TSTD2: variants seen among roughly 807,000 people sequenced by gnomAD.
The protein encoded by TSTD2 is thiosulfate sulfurtransferase like domain containing 2, also known as thiosulfate sulfurtransferase/rhodanese-like domain-containing protein 2.
Under a neutral mutation model 47.9 loss-of-function variants are expected in TSTD2, and 37 were observed. The observed-to-expected ratio is 0.77, with a 90% CI of 0.59 to 1.02. The LOEUF (loss-of-function observed/expected upper bound fraction) is 1.02. TSTD2 is among the 50% of genes least tolerant of loss of function. TSTD2 has a pLI of 0.00. For missense variants in TSTD2, 586 were observed against 616.0 expected (o/e 0.95, Z 0.52); for synonymous variants, 201 against 215.9 (o/e 0.93, Z 0.61).
chr9:97,626,410 T>C lies in TSTD2; in HGVS notation c.166-413A>G, dbSNP rs555709028. On this transcript the variant is annotated intron_variant, in intron 2 of 9. Coordinates refer to ENST00000341170, the MANE Select transcript of TSTD2 (RefSeq NM_139246.5). The stretch of plus-strand genomic sequence containing the variant: ...AGTTTTAAGTTATATGGAAAAATAT[T>C]TTATGATATAATATTAAGTGAAAAA... 3.8e-4 allele frequency among the ~76,000 whole-genome samples: 58 copies of C among 152,308 alleles called. 2 individuals carry two copies. Among genetic ancestry groups the C allele is most frequent in the Admixed American group, 3.4e-3 (52 of 15,300 alleles).
intron 3 of TSTD2, among the ~76,000 whole-genome samples, chr9:97,623,575 A>G (rs147353990): frequency 6.6e-6 from 1 of 152,276 alleles, no homozygotes; most frequent in East Asian, 1.9e-4. Flanking sequence ...AACCTTGCAA[A>G]CAGGCTGGAT....
At position 97,605,780 on chromosome 9, in the gene TSTD2, C is replaced by T. The variant is rs1026283024; in HGVS notation, c.955-139G>A. 11 of 1,152,396 alleles carry T rather than the reference C, an allele frequency of 9.5e-6. No homozygotes were observed. The Admixed American group carries it at 2.3e-4, about 24-fold the overall frequency. 71.4% of individuals were successfully genotyped at this position (1,152,396 alleles called of 1,614,324 possible). A position where few individuals can be genotyped will look rare whatever the true frequency, so the allele number is the denominator to read the frequency against. On this transcript the variant is annotated intron_variant, in intron 7 of 9. Coordinates refer to ENST00000341170, the MANE Select transcript of TSTD2 (RefSeq NM_139246.5). ...TAATCTCATCCCCACTCTGACCTTT[C>T]AACTTCAAGATCTCAACTTAAAACC... is the stretch of plus-strand genomic sequence containing the variant.
chr9:97,627,881 GA>G (rs1826748076), intron 1 of TSTD2, among the ~76,000 whole-genome samples: 1 of 152,176 alleles, frequency 6.6e-6, no homozygotes, highest in Non-Finnish European at 1.5e-5. Context: ...TGGATAAATT[GA>G]TTTTTTATTT....
chr9:97,614,946 A>C (rs1293414202), intron 4 of TSTD2, among the ~76,000 whole-genome samples: 2 of 152,176 alleles, frequency 1.3e-5, no homozygotes, highest in African/African-American at 4.8e-5. Context: ...CTTATAGTGG[A>C]CTACATAGAA....
Position 97,602,472 on chromosome 9 carries a change from C to G in TSTD2, c.1548G>C (p.Met516Ile). 2 of 1,602,100 alleles carry G rather than the reference C, an allele frequency of 1.2e-6. No individual in the cohort carries two copies. The highest frequency in any genetic ancestry group is 1.7e-6 in the Non-Finnish European group (2 of 1,172,888). ...GGGAAAATGCCAAAGGTGCTGCTCACATAAGCACTGGCCCATCCTCATCAG... is the reference window on the plus strand; with the variant it reads ...GGGAAAATGCCAAAGGTGCTGCTCAGATAAGCACTGGCCCATCCTCATCAG... ...PDADEDGPVL[M>I] The change falls in exon 10 of 10, where the codon ATG (methionine) becomes ATC (isoleucine). Residue 516 changes from methionine to isoleucine, a missense_variant. Met to Ile is a conservative substitution (Grantham distance 10). Transcript: ENST00000341170.
At chr9:97,619,010 T>G (rs1367578081) in intron 3 of TSTD2, among the ~76,000 whole-genome samples, 1 of 152,236 alleles carries the variant, frequency 6.6e-6, no homozygotes, top group Non-Finnish European at 1.5e-5. Context: ...AACTAGTAAG[T>G]AAATTCCCTG....
chr9:97,601,636 C>T lies in TSTD2; in HGVS notation c.*833G>A, dbSNP rs1192287545. ...TAAAAGGCCAGACAGTAAAAATTTC[C>T]GATTTTGCAGGCCACATAGTGTCTG... is the stretch of plus-strand genomic sequence containing the variant. On this transcript the variant is annotated 3_prime_UTR_variant, in exon 10 of 10. Coordinates refer to ENST00000341170, the MANE Select transcript of TSTD2 (RefSeq NM_139246.5). 8.2e-6 allele frequency: 8 copies of T among 972,832 alleles called. No individual in the cohort carries two copies. The highest frequency in any genetic ancestry group is 9.8e-6 in the Non-Finnish European group (8 of 818,072). The allele number at this position is 972,832 out of a possible 1,614,324, so 60.3% of individuals were successfully genotyped here. A position where few individuals can be genotyped will look rare whatever the true frequency, so the allele number is the denominator to read the frequency against.
At position 97,625,708 on chromosome 9, in the gene TSTD2, C is replaced by A. The variant is rs1469754902; in HGVS notation, c.455G>T (p.Ser152Ile). Reference sequence around the variant, plus strand: ...TATCAGCTCATCAGGGTTAAAGCAGCTTATATCAGGGAGCCAAGCAGACAC... The same window carrying A: ...TATCAGCTCATCAGGGTTAAAGCAGATTATATCAGGGAGCCAAGCAGACAC... Reference protein sequence around the residue: ...HDVSAWLPDISCFNPDELISG... With the variant: ...HDVSAWLPDIICFNPDELISG... Residue 152 changes from serine (S) to isoleucine (I), a missense_variant, in exon 3 of 10, where the codon AGC becomes ATC. By Grantham distance (142) the Ser-to-Ile change is moderately radical. Coordinates refer to ENST00000341170, the MANE Select transcript of TSTD2 (RefSeq NM_139246.5). The A allele has an allele frequency of 1.2e-6, 2 of 1,613,482 alleles. No individual in the cohort carries two copies. Among genetic ancestry groups the A allele is most frequent in the Admixed American group, 3.3e-5 (2 of 59,932 alleles).
Position 97,625,705 on chromosome 9 carries a change from C to G in TSTD2, c.458G>C (p.Cys153Ser), listed in dbSNP as rs766643720. The G allele has an allele frequency of 1.9e-6, 3 of 1,613,200 alleles. No homozygotes were observed. The Admixed American group carries it at 5.0e-5, about 27-fold the overall frequency. ...DVSAWLPDIS[C>S]FNPDELISGQ... ...CCTTATCAGCTCATCAGGGTTAAAGCAGCTTATATCAGGGAGCCAAGCAGA... is the reference window on the plus strand; with the variant it reads ...CCTTATCAGCTCATCAGGGTTAAAGGAGCTTATATCAGGGAGCCAAGCAGA... Residue 153 changes from cysteine to serine, a missense_variant, in exon 3 of 10, where the codon TGC becomes TCC. Cys to Ser is a moderately radical substitution (Grantham distance 112, BLOSUM62 -1). Coordinates refer to ENST00000341170, the MANE Select transcript of TSTD2 (RefSeq NM_139246.5).
At position 97,602,335 on chromosome 9, in the gene TSTD2, ACGGC is replaced by A; in HGVS notation, c.*130_*133del. ...CCTCCCCTCCCGCTGTGAAGTGTAG[ACGGC>A]TGCCACGGTGGCAGCGGCCAGAACT... On this transcript the variant is annotated 3_prime_UTR_variant, in exon 10 of 10. Transcript: ENST00000341170. 1.9e-6 allele frequency: 2 copies of A among 1,056,496 alleles called. No homozygotes were observed. Among genetic ancestry groups the A allele is most frequent in the Non-Finnish European group, 2.7e-6 (2 of 751,552 alleles). 65.4% of individuals were successfully genotyped at this position (1,056,496 alleles called of 1,614,324 possible). A position where few individuals can be genotyped will look rare whatever the true frequency, so the allele number is the denominator to read the frequency against.
chr9:97,607,732 G>A (rs1361066228), intron 6 of TSTD2, among the ~76,000 whole-genome samples: 7 of 152,030 alleles, frequency 4.6e-5, no homozygotes, highest in East Asian at 3.9e-4. Flanking sequence ...GTGAAACCCC[G>A]TCTCTACTAA....
At chr9:97,628,704 GCGT>G (rs1826761228) in intron 1 of TSTD2, among the ~76,000 whole-genome samples, 1 of 152,120 alleles carries the variant, frequency 6.6e-6, no homozygotes, top group Non-Finnish European at 1.5e-5. Flanking sequence ...CAAAAATAAA[GCGT>G]GATGGAAGCA....
At chr9:97,620,544 G>A (rs1216705924) in intron 3 of TSTD2, among the ~76,000 whole-genome samples, 1 of 152,188 alleles carries the variant, frequency 6.6e-6, no homozygotes, top group East Asian at 1.9e-4. Flanking sequence ...CTGAGAAGAC[G>A]ACAAGAAGAT....
Position 97,604,775 on chromosome 9 carries a change from CA to C in TSTD2, c.1203del (p.Phe401LeufsTer42), listed in dbSNP as rs1826337517. On this transcript the variant is annotated frameshift_variant, in exon 9 of 10. Transcript: ENST00000341170. LOFTEE classifies it high-confidence loss of function. ...GACAGAGCATAGCGTTCATCAAAAA[CA>C]AACAACTTCCCTTTGTAAAAGCCAT... is the stretch of plus-strand genomic sequence containing the variant. ...FPDGFYKGKL[F>X]VFDERYALSY... 6.2e-7 allele frequency: 1 copy of C among 1,614,048 alleles called. No individual in the cohort carries two copies. The highest frequency in any genetic ancestry group is 1.3e-5 in the African/African-American group (1 of 74,908).
intron 3 of TSTD2, among the ~76,000 whole-genome samples, chr9:97,618,118 T>C (rs1367587146): frequency 6.6e-6 from 1 of 152,230 alleles, no homozygotes; most frequent in African/African-American, 2.4e-5. Context: ...TGATCCCTCA[T>C]TTAATGGTCA....
rs943023109 is a variant in TSTD2, at chr9:97,600,245, T to G, written c.*2224A>C. The G allele has an allele frequency of 3.6e-5, 36 of 987,960 alleles. No individual in the cohort carries two copies. In the African/African-American group the frequency reaches 5.8e-4, roughly 16 times the overall value. 61.2% of individuals were successfully genotyped at this position (987,960 alleles called of 1,614,324 possible). A position where few individuals can be genotyped will look rare whatever the true frequency, so the allele number is the denominator to read the frequency against. Reference sequence around the variant, plus strand: ...AACACAATTTTCCCCTCAGAACAGATAGACAGACTGAAGCCACTGAACTCT... The same window carrying G: ...AACACAATTTTCCCCTCAGAACAGAGAGACAGACTGAAGCCACTGAACTCT... On this transcript the variant is annotated 3_prime_UTR_variant, in exon 10 of 10. Transcript: ENST00000341170.
intron 3 of TSTD2, among the ~76,000 whole-genome samples, chr9:97,619,773 A>G (rs1316327894): frequency 6.6e-6 from 1 of 152,202 alleles, no homozygotes; most frequent in Non-Finnish European, 1.5e-5. Flanking sequence ...ACAGGAGGCT[A>G]TTAGTATAGT....
chr9:97,629,098 A>G (rs1271745101), intron 1 of TSTD2, among the ~76,000 whole-genome samples: 1 of 152,248 alleles, frequency 6.6e-6, no homozygotes, highest in East Asian at 1.9e-4. Flanking sequence ...TTCTGAAAAT[A>G]GTAACATGCA....
At chr9:97,614,234 A>G (rs1025211337) in intron 4 of TSTD2, among the ~76,000 whole-genome samples, 1 of 152,256 alleles carries the variant, frequency 6.6e-6, no homozygotes, top group African/African-American at 2.4e-5. Flanking sequence ...AAAGAACATA[A>G]AAGACACAAA....
Sources: gnomAD v4.1 joint callset for allele counts (sites outside exome capture counted in the v4.1 genomes callset) on GRCh38, gnomAD v4.1.1 for gene constraint, MANE v1.5 for transcripts, NCBI Gene and HGNC (gene_info 2026-07-23, HGNC 2026-07-21) for gene names.